Variants in CPB1 observed in about 807,000 individuals in gnomAD.
The protein encoded by CPB1 is carboxypeptidase B1.
Under a neutral mutation model 51.4 loss-of-function variants are expected in CPB1, and 53 were observed. The observed-to-expected ratio is 1.03, with a 90% CI of 0.83 to 1.30. CPB1 has a LOEUF of 1.30. CPB1 is among the 50% of genes most tolerant of loss of function. The pLI, the probability that CPB1 is intolerant of heterozygous loss-of-function variation, is 0.00. For missense variants in CPB1, 494 were observed against 516.2 expected (o/e 0.96, Z 0.42); for synonymous variants, 189 against 186.9 (o/e 1.01, Z -0.09).
Position 148,840,895 on chromosome 3 carries a change from G to A in CPB1, c.394G>A (p.Val132Ile), listed in dbSNP as rs377287962. 6 of 1,614,112 alleles carry A rather than the reference G, an allele frequency of 3.7e-6. No individual in the cohort carries two copies. Among genetic ancestry groups the A allele is most frequent in the South Asian group, 3.3e-5 (3 of 91,074 alleles). ...WETIEAWTQQ[V>I]ATENPALISR... ...GTAGATAGAGGCTTGGACTCAACAA[G>A]TCGCCACTGAGAATCCAGCCCTCAT... The change falls in exon 5 of 11, where the codon GTC becomes ATC. Residue 132 changes from valine to isoleucine, a missense_variant. Physicochemically the swap from Val to Ile is conservative, Grantham distance 29. Coordinates refer to ENST00000282957, the MANE Select transcript of CPB1 (RefSeq NM_001871.3).
At position 148,845,640 on chromosome 3, in the gene CPB1, T is replaced by A; in HGVS notation, c.981+14T>A. 1 of 1,590,424 alleles carries A rather than the reference T, an allele frequency of 6.3e-7. No homozygotes were observed. On this transcript the variant is annotated intron_variant, in intron 9 of 10. Transcript: ENST00000282957. ...AATGCTGAGTTGGTAAGTAGCAAAG[T>A]AGTAGGTATGACATTTTACTATTGA...
intron 9 of CPB1, among the ~76,000 whole-genome samples, chr3:148,848,415 C>T (rs1039901888): frequency 1.1e-4 from 17 of 151,972 alleles, no homozygotes; most frequent in African/African-American, 3.9e-4. Flanking sequence ...TGCATCATAC[C>T]ACATTAAAAT....
chr3:148,853,058 G>T (rs949587607), intron 9 of CPB1, among the ~76,000 whole-genome samples: 10 of 152,078 alleles, frequency 6.6e-5, no homozygotes, highest in Non-Finnish European at 1.5e-4. Context: ...ACCCATTATC[G>T]CAGGACAGAA....
chr3:148,842,203 C>T (rs925519536), intron 6 of CPB1, among the ~76,000 whole-genome samples: 18 of 149,960 alleles, frequency 1.2e-4, no homozygotes, highest in Admixed American at 1.0e-3. Context: ...CTGGGCAACA[C>T]GGTGGAACCT....
chr3:148,850,959 C>T (rs1713409263), intron 9 of CPB1: 1 of 152,162 alleles, frequency 6.6e-6, no homozygotes, highest in Non-Finnish European at 1.5e-5. Context: ...GTCATTTATT[C>T]AACATTATGC....
intron 3 of CPB1, among the ~76,000 whole-genome samples, chr3:148,839,883 C>A (rs992624085): frequency 2.0e-5 from 3 of 152,140 alleles, no homozygotes; most frequent in Non-Finnish European, 4.4e-5. Context: ...AAACTTTTCT[C>A]TCTTCCAAGC....
chr3:148,845,439 G>A lies in CPB1; in HGVS notation c.794G>A (p.Arg265Gln), dbSNP rs925299154. 6.8e-6 allele frequency: 11 copies of A among 1,613,730 alleles called. No individual in the cohort carries two copies. The highest frequency in any genetic ancestry group is 4.5e-5 in the East Asian group (2 of 44,866). Reference sequence around the variant, plus strand: ...GTTTTTCCAGAAATTGGAGCCTCTCGAAACCCCTGTGATGAAACTTACTGT... The same window carrying A: ...GTTTTTCCAGAAATTGGAGCCTCTCAAAACCCCTGTGATGAAACTTACTGT... ...DAGWCEIGAS[R>Q]NPCDETYCGP... The change falls in exon 9 of 11, where the codon CGA becomes CAA. Residue 265 changes from arginine (R) to glutamine (Q), a missense_variant. By Grantham distance (43) the Arg-to-Gln change is conservative. Transcript: ENST00000282957.
rs557452606 is a variant in CPB1 at position 148,847,087 on chromosome 3, T to C, written c.981+1461T>C. On this transcript the variant is annotated intron_variant, in intron 9 of 10. Transcript: ENST00000282957. ...CATAACTACATACTAATGAGTTAAT[T>C]AAAATAAAAAAATTACAAAACACAT... Among the ~76,000 whole-genome samples the C allele has an allele frequency of 2.7e-5, 4 of 150,606 alleles. No homozygotes were observed. The East Asian group carries it at 5.8e-4, about 22-fold the overall frequency.
At chr3:148,854,394 C>T (rs80108422) in intron 9 of CPB1, 2 of 152,042 alleles carry the variant, frequency 1.3e-5, no homozygotes, top group African/African-American at 4.8e-5. Context: ...TGATATTTTA[C>T]TTGATTAATG....
rs1713617208 is a variant in CPB1 at position 148,857,546 on chromosome 3, G to T, written c.1066+5G>T. On this transcript the variant is annotated splice_donor_5th_base_variant and intron_variant, in intron 10 of 10. Coordinates refer to ENST00000282957, the MANE Select transcript of CPB1 (RefSeq NM_001871.3). Reference sequence around the variant, plus strand: ...GCCCGGGAGCTACAACAATCTGTGAGTCTTGGCTTCAGAACTGTGCAAAGA... The same window carrying T: ...GCCCGGGAGCTACAACAATCTGTGATTCTTGGCTTCAGAACTGTGCAAAGA... 1 of 1,611,178 alleles carries T rather than the reference G, an allele frequency of 6.2e-7. No homozygotes were observed. Among genetic ancestry groups the T allele is most frequent in the African/African-American group, 1.3e-5 (1 of 74,976 alleles).
intron 3 of CPB1, among the ~76,000 whole-genome samples, chr3:148,834,955 C>T (rs1712854092): frequency 6.6e-6 from 1 of 152,118 alleles, no homozygotes; most frequent in Non-Finnish European, 1.5e-5. Flanking sequence ...AGTTTTAACC[C>T]CAAATCTTAT....
At chr3:148,830,372 C>T (rs182345285) in intron 2 of CPB1, among the ~76,000 whole-genome samples, 2 of 152,228 alleles carry the variant, frequency 1.3e-5, no homozygotes, top group East Asian at 1.9e-4. Context: ...ACTTAGACTG[C>T]CTGGGTTCAA....
At chr3:148,842,027 A>T in intron 6 of CPB1, 103 bp downstream of exon 6, 1 of 892,502 alleles carries the variant, frequency 1.1e-6, no homozygotes, top group Non-Finnish European at 1.7e-6. Context: ...AAAATACACA[A>T]TTACAAGTGC....
intron 2 of CPB1, among the ~76,000 whole-genome samples, chr3:148,831,381 A>T (rs147355787): frequency 4.4e-4 from 67 of 152,300 alleles, no homozygotes; most frequent in Non-Finnish European, 7.1e-4. Flanking sequence ...TTCTTTTCCA[A>T]CAAAAAAGGA....
At chr3:148,857,072 T>TTTTTTTTTTTTTTG (rs1713592072) in intron 9 of CPB1, 1 of 150,886 alleles carries the variant, frequency 6.6e-6, no homozygotes, top group Non-Finnish European at 1.5e-5. Flanking sequence ...GTTTTTTTTT[T>TTTTTTTTTTTTTTG]TTTTTTTTTT....
At chr3:148,831,724 T>A (rs1712743784) in intron 2 of CPB1, among the ~76,000 whole-genome samples, 1 of 152,210 alleles carries the variant, frequency 6.6e-6, no homozygotes, top group South Asian at 2.1e-4. Flanking sequence ...ACATTTATAA[T>A]TTTATAACTT....
intron 2 of CPB1, among the ~76,000 whole-genome samples, chr3:148,829,680 T>G (rs755984339): frequency 6.6e-6 from 1 of 152,222 alleles, no homozygotes; most frequent in Non-Finnish European, 1.5e-5. Flanking sequence ...CCAACAAGTT[T>G]GATAATCATG....
At chr3:148,841,958 AT>A in intron 6 of CPB1, 34 bp downstream of exon 6, 1 of 1,404,620 alleles carries the variant, frequency 7.1e-7, no homozygotes, top group Non-Finnish European at 1.0e-6. Flanking sequence ...GCAAAGAGAA[AT>A]GTATGTTTTA....
chr3:148,843,122 T>C (rs1437726372), intron 6 of CPB1, among the ~76,000 whole-genome samples: 2 of 152,156 alleles, frequency 1.3e-5, no homozygotes, highest in African/African-American at 4.8e-5. Context: ...GGATCCTAGA[T>C]TGTAACCTAG....
Sources: gnomAD v4.1 joint callset for allele counts (sites outside exome capture counted in the v4.1 genomes callset) on GRCh38, gnomAD v4.1.1 for gene constraint, MANE v1.5 for transcripts, NCBI Gene and HGNC (gene_info 2026-07-23, HGNC 2026-07-21) for gene names.